FNBP1L: variants seen among roughly 807,000 people sequenced by gnomAD.
FNBP1L encodes formin binding protein 1 like.
A neutral mutation model predicts 91.2 loss-of-function variants in FNBP1L; 36 were observed. The ratio of observed to expected loss-of-function variants is 0.39; its 90% CI spans 0.30 to 0.52. The LOEUF (loss-of-function observed/expected upper bound fraction) is 0.52, where lower values mean the gene tolerates loss of function less well. FNBP1L is among the 20% of genes least tolerant of loss of function. FNBP1L has a pLI of 0.66. For missense variants in FNBP1L, 571 were observed against 732.1 expected (o/e 0.78, Z 2.54); for synonymous variants, 242 against 237.0 (o/e 1.02, Z -0.19).
rs376523120 is a variant in FNBP1L at position 93,479,464 on chromosome 1, C to T, written c.25-20004C>T. On this transcript the variant is annotated intron_variant, in intron 1 of 16. Coordinates refer to ENST00000271234, the MANE Select transcript of FNBP1L (RefSeq NM_001164473.3). The stretch of plus-strand genomic sequence containing the variant: ...CAGAGAACTGGTCTGACCTCAAATT[C>T]ACCAGGGTGGGGTTTTTCCCCACTC... Among the ~76,000 whole-genome samples the T allele has an allele frequency of 7.2e-5, 11 of 152,274 alleles. No homozygotes were observed. In the East Asian group the frequency reaches 2.1e-3, roughly 29 times the overall value.
intron 2 of FNBP1L, among the ~76,000 whole-genome samples, chr1:93,514,528 C>G (rs1325741990): frequency 6.6e-6 from 1 of 152,076 alleles, no homozygotes; most frequent in Non-Finnish European, 1.5e-5. Context: ...TACTACAAGG[C>G]TACAGTAACC....
chr1:93,510,952 A>G (rs1409130243), intron 2 of FNBP1L, among the ~76,000 whole-genome samples: 2 of 152,182 alleles, frequency 1.3e-5, no homozygotes, highest in African/African-American at 2.4e-5. Flanking sequence ...ATATGGGACT[A>G]TGTGAAAAGA....
rs927199666 is a variant in FNBP1L, at chr1:93,532,914, A to G, written c.640-8A>G. 1.3e-6 allele frequency: 2 copies of G among 1,584,632 alleles called. No homozygotes were observed. The highest frequency in any genetic ancestry group is 1.8e-5 in the Admixed American group (1 of 55,796). On this transcript the variant is annotated splice_polypyrimidine_tract_variant and splice_region_variant and intron_variant, in intron 7 of 16. Transcript: ENST00000271234. Reference sequence around the variant, plus strand: ...TTTTCTCTTTTTAAAAAAATTCTTGATTATTAGCAACTACAAGAAATGGAC... The same window carrying G: ...TTTTCTCTTTTTAAAAAAATTCTTGGTTATTAGCAACTACAAGAAATGGAC...
intron 2 of FNBP1L, among the ~76,000 whole-genome samples, chr1:93,513,721 C>A (rs575240788): frequency 6.6e-6 from 1 of 152,064 alleles, no homozygotes; most frequent in Non-Finnish European, 1.5e-5. Flanking sequence ...ATTCAAGAAC[C>A]CTTCATGCTA....
At chr1:93,460,008 C>T (rs1021328052) in intron 1 of FNBP1L, among the ~76,000 whole-genome samples, 21 of 146,816 alleles carry the variant, frequency 1.4e-4, no homozygotes, top group African/African-American at 5.2e-4. Flanking sequence ...TGGCATTATA[C>T]TTATCAATTG....
At chr1:93,542,113 A>G (rs1392377208) in intron 11 of FNBP1L, among the ~76,000 whole-genome samples, 1 of 151,676 alleles carries the variant, frequency 6.6e-6, no homozygotes, top group African/African-American at 2.4e-5. Flanking sequence ...TATTTTTGGC[A>G]TATATATATA....
intron 8 of FNBP1L, among the ~76,000 whole-genome samples, chr1:93,534,352 CT>C (rs1292119886): frequency 6.6e-6 from 1 of 152,112 alleles, no homozygotes; most frequent in Non-Finnish European, 1.5e-5. Context: ...TTTGAAACTT[CT>C]CAGAATTTCT....
In FNBP1L at chr1:93,541,068, G is replaced by A; in HGVS notation, c.1164+12G>A. On this transcript the variant is annotated intron_variant, in intron 11 of 16. Coordinates refer to ENST00000271234, the MANE Select transcript of FNBP1L (RefSeq NM_001164473.3). ...GGTCGGTGAAGATGGTAAGCCTTATGTGCTGATCTATATACTGTGCCAACA... is the reference window on the plus strand; with the variant it reads ...GGTCGGTGAAGATGGTAAGCCTTATATGCTGATCTATATACTGTGCCAACA... The A allele has an allele frequency of 2.0e-6, 3 of 1,535,948 alleles. No individual in the cohort carries two copies. The highest frequency in any genetic ancestry group is 1.7e-6 in the Non-Finnish European group (2 of 1,145,978).
intron 2 of FNBP1L, among the ~76,000 whole-genome samples, chr1:93,509,790 C>G (rs1020000141): frequency 6.6e-6 from 1 of 152,226 alleles, no homozygotes; most frequent in African/African-American, 2.4e-5. Flanking sequence ...GAGGCATTGC[C>G]TCACTCGGGA....
At chr1:93,469,319 A>G (rs1669203822) in intron 1 of FNBP1L, among the ~76,000 whole-genome samples, 1 of 137,790 alleles carries the variant, frequency 7.3e-6, no homozygotes, top group African/African-American at 2.8e-5. Context: ...CCTACTTATG[A>G]GTGAGAGCAT....
chr1:93,500,521 A>G (rs1054141634), intron 2 of FNBP1L, among the ~76,000 whole-genome samples: 3 of 149,892 alleles, frequency 2.0e-5, no homozygotes, highest in African/African-American at 7.6e-5. Context: ...AGTAAGGGAA[A>G]ATGCAAGCCT....
intron 7 of FNBP1L, among the ~76,000 whole-genome samples, chr1:93,532,457 G>T (rs188046767): frequency 1.6e-5 from 2 of 123,222 alleles, no homozygotes; most frequent in Non-Finnish European, 3.3e-5. Flanking sequence ...GCGACAGAGC[G>T]AGACTCCGCC....
chr1:93,515,024 C>T (rs1437661649), intron 2 of FNBP1L, among the ~76,000 whole-genome samples: 2 of 152,162 alleles, frequency 1.3e-5, no homozygotes, highest in Admixed American at 6.6e-5. Context: ...ACTCATCTGA[C>T]AGAGGGCTAA....
chr1:93,450,347 G>T (rs1668451599), intron 1 of FNBP1L, among the ~76,000 whole-genome samples: 1 of 152,034 alleles, frequency 6.6e-6, no homozygotes, highest in Non-Finnish European at 1.5e-5. Context: ...TGGAAATTCT[G>T]AAAAAGATTT....
At chr1:93,483,325 G>A (rs1669783364) in intron 1 of FNBP1L, among the ~76,000 whole-genome samples, 1 of 152,108 alleles carries the variant, frequency 6.6e-6, no homozygotes, top group South Asian at 2.1e-4. Context: ...GCCACTAATG[G>A]TGCCTAGTTT....
At chr1:93,500,024 A>T (rs72961389) in intron 2 of FNBP1L, among the ~76,000 whole-genome samples, 3,570 of 152,224 alleles carry the variant, frequency 0.023, 118 homozygotes, top group African/African-American at 0.079. Flanking sequence ...TCAGTTACAT[A>T]TTATGAATGA....
chr1:93,455,269 C>T lies in FNBP1L; in HGVS notation c.24+6964C>T, dbSNP rs567223123. Among the ~76,000 whole-genome samples the T allele has an allele frequency of 7.9e-5, 12 of 152,300 alleles. No individual in the cohort carries two copies. The South Asian group carries it at 1.7e-3, about 21-fold the overall frequency. ...GTGCAGTGGCACAGTCATAGCTCAC[C>T]GCAGCCTCAAACTCCTGGGCTCAAG... On this transcript the variant is annotated intron_variant, in intron 1 of 16. Coordinates refer to ENST00000271234, the MANE Select transcript of FNBP1L (RefSeq NM_001164473.3).
At chr1:93,475,704 A>G (rs541878900) in intron 1 of FNBP1L, among the ~76,000 whole-genome samples, 4 of 152,362 alleles carry the variant, frequency 2.6e-5, no homozygotes, top group African/African-American at 4.8e-5. Context: ...ATCAATTAAC[A>G]TAACTTGTAA....
At chr1:93,505,242 G>A (rs1440824546) in intron 2 of FNBP1L, among the ~76,000 whole-genome samples, 7 of 151,654 alleles carry the variant, frequency 4.6e-5, no homozygotes, top group Admixed American at 1.3e-4. Flanking sequence ...CCTCGGAGCC[G>A]TAAAGAAATA....
Sources: gnomAD v4.1 joint callset for allele counts (sites outside exome capture counted in the v4.1 genomes callset) on GRCh38, gnomAD v4.1.1 for gene constraint, MANE v1.5 for transcripts, NCBI Gene and HGNC (gene_info 2026-07-23, HGNC 2026-07-21) for gene names.